ADCY2: variants seen among roughly 807,000 people sequenced by gnomAD.
ADCY2 encodes the protein adenylate cyclase 2, also known as adenylate cyclase type 2.
A neutral mutation model predicts 125.2 loss-of-function variants in ADCY2; 31 were observed. The observed-to-expected ratio is 0.25, with a 90% CI of 0.19 to 0.33. ADCY2 has a LOEUF of 0.33. ADCY2 is among the 10% of genes least tolerant of loss of function. ADCY2 has a pLI of 1.00. For synonymous variants in ADCY2, 512 were observed against 548.4 expected (o/e 0.93, Z 0.93); for missense variants, 904 against 1,418.2 (o/e 0.64, Z 5.82).
chr5:7,491,519 A>G (rs1428329260), intron 2 of ADCY2, among the ~76,000 whole-genome samples: 1 of 152,226 alleles, frequency 6.6e-6, no homozygotes, highest in Non-Finnish European at 1.5e-5. Flanking sequence ...GGTGAATCTC[A>G]TAAGGGAACA....
At chr5:7,823,463 G>A (rs9313204) in intron 24 of ADCY2, among the ~76,000 whole-genome samples, 82,104 of 151,952 alleles carry the variant, frequency 0.54, 22,528 homozygotes, top group Middle Eastern at 0.62. Flanking sequence ...ATCGTGGGGC[G>A]TTTTGGCAGC....
At chr5:7,786,750 A>G (rs997337068) in intron 19 of ADCY2, among the ~76,000 whole-genome samples, 6 of 152,204 alleles carry the variant, frequency 3.9e-5, no homozygotes, top group Admixed American at 6.5e-5. Context: ...CTATAAAACC[A>G]GGGGACAGTC....
At chr5:7,399,702 A>G (rs993749194) in intron 1 of ADCY2, among the ~76,000 whole-genome samples, 5 of 152,254 alleles carry the variant, frequency 3.3e-5, no homozygotes, top group Admixed American at 6.5e-5. Context: ...CTGTTTAATA[A>G]TATGAGTAAT....
chr5:7,758,660 G>GTC (rs1478923396), intron 16 of ADCY2, among the ~76,000 whole-genome samples: 1 of 152,164 alleles, frequency 6.6e-6, no homozygotes, highest in Non-Finnish European at 1.5e-5. Context: ...ACAGACAGCT[G>GTC]GGTAACCTCA....
At position 7,828,966 on chromosome 5, in the gene ADCY2, T is replaced by C. The variant is rs1745565524; in HGVS notation, c.*2095T>C. ...CCCACGGGGTGCACCGAACTTGGGT[T>C]TGCGCTAAAAAGAACTCAAAAGGAG... On this transcript the variant is annotated 3_prime_UTR_variant, in exon 25 of 25. Coordinates refer to ENST00000338316, the MANE Select transcript of ADCY2 (RefSeq NM_020546.3). The C allele has an allele frequency of 6.6e-6, 1 of 152,302 alleles. No homozygotes were observed. Among genetic ancestry groups the C allele is most frequent in the African/African-American group, 2.4e-5 (1 of 41,436 alleles). 9.4% of individuals were successfully genotyped at this position (152,302 alleles called of 1,614,324 possible).
Position 7,734,694 on chromosome 5 carries a change from A to G in ADCY2, c.1871+7433A>G, listed in dbSNP as rs1005410634. On this transcript the variant is annotated intron_variant, in intron 14 of 24. Transcript: ENST00000338316. ...ACAGAACAGGCAGGATAAATGGTTA[A>G]AATTAAGAGCGTTTGACCAACCATT... Among the ~76,000 whole-genome samples, 3 of 152,360 alleles carry G rather than the reference A, an allele frequency of 2.0e-5. No individual in the cohort carries two copies. The East Asian group carries it at 5.8e-4, about 29-fold the overall frequency.
chr5:7,668,601 G>T (rs1739833203), intron 4 of ADCY2, among the ~76,000 whole-genome samples: 1 of 152,168 alleles, frequency 6.6e-6, no homozygotes, highest in Admixed American at 6.5e-5. Flanking sequence ...TAGAAAACAA[G>T]AGTTTTTGTT....
At chr5:7,601,807 G>T (rs1202250723) in intron 3 of ADCY2, among the ~76,000 whole-genome samples, 1 of 152,162 alleles carries the variant, frequency 6.6e-6, no homozygotes, top group East Asian at 1.9e-4. Flanking sequence ...AGTGATGCAT[G>T]CTGTGTGCAT....
intron 15 of ADCY2, among the ~76,000 whole-genome samples, chr5:7,752,172 A>G (rs992173532): frequency 6.6e-6 from 1 of 152,218 alleles, no homozygotes; most frequent in Non-Finnish European, 1.5e-5. Flanking sequence ...ATTGATTGGC[A>G]TAAAGAAGTC....
At chr5:7,636,102 A>G (rs1561137622) in intron 4 of ADCY2, among the ~76,000 whole-genome samples, 1 of 152,194 alleles carries the variant, frequency 6.6e-6, no homozygotes, top group Admixed American at 6.5e-5. Flanking sequence ...CCACTCTCCC[A>G]GAGAGCCCTG....
Position 7,531,845 on chromosome 5 carries a change from T to C in ADCY2, c.570+10946T>C, listed in dbSNP as rs181778368. 2.9e-4 allele frequency among the ~76,000 whole-genome samples: 44 copies of C among 152,340 alleles called. No individual in the cohort carries two copies. The East Asian group carries it at 8.3e-3, about 29-fold the overall frequency. ...AAGAGTCATATTTTGAGGTTTCCAG[T>C]GGACATAACTTTTGAGCGAGTCTAC... is the stretch of plus-strand genomic sequence containing the variant. On this transcript the variant is annotated intron_variant, in intron 3 of 24. Transcript: ENST00000338316.
chr5:7,514,911 C>T (rs960919066), intron 2 of ADCY2, among the ~76,000 whole-genome samples: 1 of 152,170 alleles, frequency 6.6e-6, no homozygotes, highest in Non-Finnish European at 1.5e-5. Context: ...AATTTTTAGC[C>T]TCCCAACTGT....
At chr5:7,743,873 C>G (rs772526262) in intron 15 of ADCY2, 121 bp downstream of exon 15, 3 of 888,030 alleles carry the variant, frequency 3.4e-6, no homozygotes, top group Non-Finnish European at 5.3e-6. Context: ...ACTCCAGATC[C>G]CAGTTAAGGA....
intron 2 of ADCY2, among the ~76,000 whole-genome samples, chr5:7,477,096 C>T (rs1157428979): frequency 2.0e-5 from 3 of 152,086 alleles, no homozygotes; most frequent in Non-Finnish European, 4.4e-5. Flanking sequence ...CATTACCTCG[C>T]TCTTGTTCTT....
At chr5:7,767,826 C>G (rs1428855146) in intron 17 of ADCY2, among the ~76,000 whole-genome samples, 2 of 152,072 alleles carry the variant, frequency 1.3e-5, no homozygotes, top group East Asian at 1.9e-4. Context: ...GTCAGGAGAT[C>G]AAGACCATCC....
intron 2 of ADCY2, among the ~76,000 whole-genome samples, chr5:7,429,432 A>G (rs1740508839): frequency 6.6e-6 from 1 of 152,252 alleles, no homozygotes. Context: ...TCATCTTTAT[A>G]GAACACGTCC....
intron 13 of ADCY2, among the ~76,000 whole-genome samples, chr5:7,725,801 T>A (rs1362044621): frequency 6.6e-6 from 1 of 152,238 alleles, no homozygotes; most frequent in Non-Finnish European, 1.5e-5. Flanking sequence ...AGCTTCTTCA[T>A]GAGCATGGAA....
At position 7,706,471 on chromosome 5, in the gene ADCY2, C is replaced by G. The variant is rs77369454; in HGVS notation, c.1110-273C>G. Among the ~76,000 whole-genome samples, 435 of 152,274 alleles carry G rather than the reference C, an allele frequency of 2.9e-3. 1 individual carries two copies. Among genetic ancestry groups the G allele is most frequent in the African/African-American group, 9.7e-3 (404 of 41,546 alleles). On this transcript the variant is annotated intron_variant, in intron 7 of 24. Transcript: ENST00000338316. ...ACATGGTAGCTGCTTGATACATATT[C>G]ATTGCAGAAGTAAAAGTTATAGCCA...
Position 7,396,437 on chromosome 5 carries a change from C to T in ADCY2, c.141C>T (p.Ile47=). 6.3e-7 allele frequency: 1 copy of T among 1,579,388 alleles called. No homozygotes were observed. The highest frequency in any genetic ancestry group is 8.6e-7 in the Non-Finnish European group (1 of 1,163,264). Residue 47 remains isoleucine (I), a synonymous_variant, in exon 1 of 25, where the codon ATC becomes ATT. Transcript: ENST00000338316. The surrounding 1 kb of genome is among the most constrained non-coding windows in gnomAD (Gnocchi z 5.7). ...GCATGAGCCAGCAGCACCCGCTCAT[C>T]GTCTTCCTGCTGCTCATCGTCATGG... ...YYCMSQQHPL[I]VFLLLIVMGS...
Sources: gnomAD v4.1 joint callset for allele counts (sites outside exome capture counted in the v4.1 genomes callset) on GRCh38, gnomAD v4.1.1 for gene constraint, Gnocchi (gnomAD v3.1) non-coding constraint, MANE v1.5 for transcripts, NCBI Gene and HGNC (gene_info 2026-07-23, HGNC 2026-07-21) for gene names.